The following TMEM178B variants were observed in gnomAD, a reference collection of about 807,000 sequenced individuals.
TMEM178B encodes transmembrane protein 178B.
In TMEM178B, 5 loss-of-function variants were observed where a neutral mutation model predicts 31.0. That is an observed-to-expected ratio of 0.16 (90% confidence interval 0.08 to 0.34). The LOEUF (loss-of-function observed/expected upper bound fraction) is 0.34. TMEM178B is among the 10% of genes least tolerant of loss of function. The probability of loss-of-function intolerance (pLI) is 1.00; values close to 1 mark genes in which losing one functional copy is unlikely to be tolerated. For synonymous variants in TMEM178B, 164 were observed against 164.0 expected (o/e 1.00, Z 0.00); for missense variants, 275 against 400.3 (o/e 0.69, Z 2.67).
At chr7:141,196,190 C>G (rs570166723) in intron 1 of TMEM178B, among the ~76,000 whole-genome samples, 1 of 152,166 alleles carries the variant, frequency 6.6e-6, no homozygotes, top group Non-Finnish European at 1.5e-5. Flanking sequence ...TTTAATGACT[C>G]TATAATATTC....
intron 2 of TMEM178B, among the ~76,000 whole-genome samples, chr7:141,226,218 C>A (rs532371700): frequency 6.6e-6 from 1 of 151,792 alleles, no homozygotes; most frequent in African/African-American, 2.4e-5. Flanking sequence ...GGAACACCCT[C>A]TTGGGGGGAG....
intron 1 of TMEM178B, among the ~76,000 whole-genome samples, chr7:141,124,137 T>C (rs1426480321): frequency 1.1e-4 from 17 of 152,054 alleles, no homozygotes; most frequent in Admixed American, 1.1e-3. Context: ...GAGGCCGAGG[T>C]GGGCAGATCA....
At chr7:141,342,930 T>G (rs1229092164) in intron 2 of TMEM178B, among the ~76,000 whole-genome samples, 13 of 152,238 alleles carry the variant, frequency 8.5e-5, no homozygotes, top group Non-Finnish European at 1.5e-5. Flanking sequence ...CCATTGCTCA[T>G]GTCTAGCTGC....
chr7:141,276,417 T>C (rs1218135267), intron 2 of TMEM178B, among the ~76,000 whole-genome samples: 1 of 152,140 alleles, frequency 6.6e-6, no homozygotes, highest in Non-Finnish European at 1.5e-5. Context: ...GACTCATAGT[T>C]CTGCATGGAT....
intron 2 of TMEM178B, among the ~76,000 whole-genome samples, chr7:141,323,812 G>T (rs1799141183): frequency 6.6e-6 from 1 of 152,132 alleles, no homozygotes; most frequent in South Asian, 2.1e-4. Context: ...ATGTTAGGTA[G>T]TGATAAGTAC....
intron 1 of TMEM178B, among the ~76,000 whole-genome samples, chr7:141,097,793 C>T (rs370281796): frequency 0.017 from 2,124 of 125,906 alleles, 34 homozygotes; most frequent in Non-Finnish European, 0.025. Context: ...TTCTTTCTTT[C>T]TTTTTTTTTT....
chr7:141,485,625 T>C, the TMEM178B span, among the ~76,000 whole-genome samples: 1 of 152,228 alleles, frequency 6.6e-6, no homozygotes, highest in African/African-American at 2.4e-5. Context: ...TGCAGCTGCG[T>C]CTTAAAGCAG....
chr7:141,242,761 T>A (rs1797647655), intron 2 of TMEM178B, among the ~76,000 whole-genome samples: 1 of 152,042 alleles, frequency 6.6e-6, no homozygotes, highest in Non-Finnish European at 1.5e-5. Context: ...CAGGCTGGTC[T>A]CAAACTCCTA....
At chr7:141,492,141 C>T in the TMEM178B span, among the ~76,000 whole-genome samples, 6 of 152,286 alleles carry the variant, frequency 3.9e-5, no homozygotes, top group Admixed American at 1.3e-4. Context: ...CTGACACCAC[C>T]TCAGTCTAAT....
the TMEM178B span, among the ~76,000 whole-genome samples, chr7:141,503,500 A>G: frequency 6.6e-6 from 1 of 152,302 alleles, no homozygotes; most frequent in Non-Finnish European, 1.5e-5. Context: ...AAATAAAGTC[A>G]ACTCAATGTA....
intron 2 of TMEM178B, among the ~76,000 whole-genome samples, chr7:141,259,465 C>T (rs891822801): frequency 6.6e-5 from 10 of 152,032 alleles, no homozygotes; most frequent in South Asian, 2.1e-4. Flanking sequence ...GCTTCTTTTT[C>T]GCCTTGAGTG....
At chr7:141,307,476 T>A (rs1257238567) in intron 2 of TMEM178B, among the ~76,000 whole-genome samples, 1 of 152,202 alleles carries the variant, frequency 6.6e-6, no homozygotes, top group Non-Finnish European at 1.5e-5. Flanking sequence ...TCCTCCTCAG[T>A]AGGGCTCCTT....
intron 2 of TMEM178B, among the ~76,000 whole-genome samples, chr7:141,427,604 G>A (rs1801343059): frequency 6.6e-6 from 1 of 152,110 alleles, no homozygotes; most frequent in African/African-American, 2.4e-5. Context: ...TGAAACTACT[G>A]GAGGAAAACA....
intron 1 of TMEM178B, among the ~76,000 whole-genome samples, chr7:141,121,447 A>G (rs1202509128): frequency 6.6e-6 from 1 of 152,112 alleles, no homozygotes; most frequent in Non-Finnish European, 1.5e-5. Flanking sequence ...TTAGGCTGGG[A>G]GTGCGGTCTC....
intron 2 of TMEM178B, among the ~76,000 whole-genome samples, chr7:141,333,742 T>A (rs1320175656): frequency 6.6e-6 from 1 of 152,140 alleles, no homozygotes; most frequent in Non-Finnish European, 1.5e-5. Context: ...GGAAGATAAT[T>A]TTTCCGTGGA....
At chr7:141,402,080 C>G (rs1428349740) in intron 2 of TMEM178B, among the ~76,000 whole-genome samples, 1 of 152,126 alleles carries the variant, frequency 6.6e-6, no homozygotes, top group African/African-American at 2.4e-5. Flanking sequence ...GTAAGGTACT[C>G]CACGGTGCCA....
rs140406596 is a variant in TMEM178B at position 141,272,572 on chromosome 7, T to C, written c.496+59868T>C. 1.3e-3 allele frequency among the ~76,000 whole-genome samples: 203 copies of C among 152,354 alleles called. 1 individual carries two copies. The highest frequency in any genetic ancestry group is 4.7e-3 in the African/African-American group (195 of 41,578). On this transcript the variant is annotated intron_variant, in intron 2 of 3. Coordinates refer to ENST00000565468, the MANE Select transcript of TMEM178B (RefSeq NM_001195278.2). Reference sequence around the variant, plus strand: ...TCCATTTTGAAATGTAACTGTTGGGTCATTCCACCAGAGGTCCTGAGAGCC... The same window carrying C: ...TCCATTTTGAAATGTAACTGTTGGGCCATTCCACCAGAGGTCCTGAGAGCC...
chr7:141,276,317 C>T (rs1055650163), intron 2 of TMEM178B, among the ~76,000 whole-genome samples: 5 of 152,108 alleles, frequency 3.3e-5, no homozygotes, highest in Non-Finnish European at 2.9e-5. Context: ...GGGATATACT[C>T]AGAGAAATGA....
At chr7:141,191,232 T>C (rs1370498419) in intron 1 of TMEM178B, among the ~76,000 whole-genome samples, 1 of 152,234 alleles carries the variant, frequency 6.6e-6, no homozygotes, top group Non-Finnish European at 1.5e-5. Flanking sequence ...TTGCCTTCCA[T>C]TGCATGCATG....
Sources: gnomAD v4.1 joint callset for allele counts (sites outside exome capture counted in the v4.1 genomes callset) on GRCh38, gnomAD v4.1.1 for gene constraint, MANE v1.5 for transcripts, NCBI Gene and HGNC (gene_info 2026-07-23, HGNC 2026-07-21) for gene names.